MCC: variants seen among roughly 807,000 people sequenced by gnomAD.
The protein encoded by MCC is colorectal mutant cancer protein.
Under a neutral mutation model 116.2 loss-of-function variants are expected in MCC, and 90 were observed. That is an observed-to-expected ratio of 0.77 (90% confidence interval 0.65 to 0.92). The LOEUF (loss-of-function observed/expected upper bound fraction) is 0.92. Among genes scored for constraint, MCC ranks in the 40% least tolerant of loss-of-function variants. MCC has a pLI of 0.00. For missense variants in MCC, 1,516 were observed against 1,312.2 expected (o/e 1.16, Z -2.40); for synonymous variants, 578 against 510.5 (o/e 1.13, Z -1.78).
chr5:113,046,710 A>AAAAAAAAGAG, intron 16 of MCC, among the ~76,000 whole-genome samples: 1 of 102,410 alleles, frequency 9.8e-6, no homozygotes, highest in African/African-American at 4.0e-5. Context: ...AAAAAAAAAA[A>AAAAAAAAGAG]AGAGAGAGAT....
chr5:113,151,683 C>T (rs1759886515), intron 3 of MCC, among the ~76,000 whole-genome samples: 1 of 152,126 alleles, frequency 6.6e-6, no homozygotes, highest in South Asian at 2.1e-4. Flanking sequence ...GGCCAGAGAA[C>T]AAAACTTCTC....
At chr5:113,363,214 T>G (rs1010587160) in intron 2 of MCC, among the ~76,000 whole-genome samples, 10 of 152,114 alleles carry the variant, frequency 6.6e-5, no homozygotes, top group Non-Finnish European at 8.8e-5. Context: ...GAGTTGGAAG[T>G]TGCAGTGAGC....
intron 3 of MCC, among the ~76,000 whole-genome samples, chr5:113,276,147 G>T (rs954447435): frequency 1.3e-5 from 2 of 151,992 alleles, no homozygotes; most frequent in Non-Finnish European, 2.9e-5. Flanking sequence ...TCCCCAAGCT[G>T]CTGCCTTCCT....
intron 2 of MCC, among the ~76,000 whole-genome samples, chr5:113,344,567 G>A (rs1183881746): frequency 6.6e-6 from 1 of 151,586 alleles, no homozygotes; most frequent in Non-Finnish European, 1.5e-5. Flanking sequence ...AGAGTAAAGA[G>A]GATTTGGTTT....
intron 14 of MCC, among the ~76,000 whole-genome samples, chr5:113,063,313 G>T (rs1387085128): frequency 6.6e-6 from 1 of 152,196 alleles, no homozygotes; most frequent in Non-Finnish European, 1.5e-5. Context: ...TCCAAAGAAT[G>T]AAATGACTTC....
At chr5:113,472,804 T>C (rs1400193862) in intron 1 of MCC, among the ~76,000 whole-genome samples, 6 of 152,238 alleles carry the variant, frequency 3.9e-5, no homozygotes, top group African/African-American at 9.6e-5. Flanking sequence ...CATGTAAGCA[T>C]ATGGTTAGAG....
At chr5:113,338,261 G>A (rs1252660692) in intron 3 of MCC, among the ~76,000 whole-genome samples, 1 of 152,172 alleles carries the variant, frequency 6.6e-6, no homozygotes, top group Non-Finnish European at 1.5e-5. Flanking sequence ...GGAAATGTTA[G>A]GCAGTGTTCC....
chr5:113,438,262 T>A (rs567874283), intron 1 of MCC, among the ~76,000 whole-genome samples: 30 of 152,204 alleles, frequency 2.0e-4, no homozygotes, highest in African/African-American at 7.0e-4. Flanking sequence ...CTTTTTTTAT[T>A]CTATATCTAA....
intron 8 of MCC, among the ~76,000 whole-genome samples, chr5:113,099,051 G>A (rs1028568445): frequency 6.6e-6 from 1 of 151,886 alleles, no homozygotes; most frequent in Non-Finnish European, 1.5e-5. Flanking sequence ...GTGAGTGACG[G>A]CTGGAAGAAG....
chr5:113,190,464 C>G (rs1561442586), intron 3 of MCC, among the ~76,000 whole-genome samples: 2 of 152,026 alleles, frequency 1.3e-5, no homozygotes, highest in Non-Finnish European at 2.9e-5. Flanking sequence ...TGATGCACAC[C>G]AAAGGAGGAG....
At chr5:113,120,880 C>T (rs575950641) in intron 6 of MCC, among the ~76,000 whole-genome samples, 24 of 152,142 alleles carry the variant, frequency 1.6e-4, no homozygotes, top group African/African-American at 2.4e-4. Flanking sequence ...GAAGCACCTC[C>T]GCTCAAATAC....
chr5:113,243,377 C>A (rs113028048), intron 3 of MCC, among the ~76,000 whole-genome samples: 1 of 152,162 alleles, frequency 6.6e-6, no homozygotes, highest in African/African-American at 2.4e-5. Flanking sequence ...GTATCCTATA[C>A]TCCTATACTC....
intron 1 of MCC, among the ~76,000 whole-genome samples, chr5:113,463,385 A>G (rs545979432): frequency 6.6e-6 from 1 of 152,328 alleles, no homozygotes; most frequent in African/African-American, 2.4e-5. Context: ...GAATATTTGA[A>G]GTGCTCCAAG....
intron 5 of MCC, among the ~76,000 whole-genome samples, chr5:113,130,670 A>G (rs1173556430): frequency 6.6e-6 from 1 of 151,948 alleles, no homozygotes; most frequent in Non-Finnish European, 1.5e-5. Flanking sequence ...TTCTCACTCT[A>G]TTAGTTCCTT....
chr5:113,069,877 C>T (rs184570314), intron 12 of MCC, among the ~76,000 whole-genome samples: 149 of 152,328 alleles, frequency 9.8e-4, no homozygotes, highest in African/African-American at 3.3e-3. Context: ...TGAGCCACCG[C>T]GCCCAGCGTC....
chr5:113,434,446 C>A lies in MCC; in HGVS notation c.171-49234G>T, dbSNP rs556130601. 1 of 1,613,788 alleles carries A rather than the reference C, an allele frequency of 6.2e-7. No individual in the cohort carries two copies. Among genetic ancestry groups the A allele is most frequent in the South Asian group, 1.1e-5 (1 of 91,038 alleles). ...TCACACTTGAGGTCCCGGTGGACGA[C>A]GTCCAGGTCGTGGCAGTACTTGATG... On this transcript the variant is annotated intron_variant, in intron 1 of 18. Coordinates refer to ENST00000408903, the MANE Select transcript of MCC (RefSeq NM_001085377.2). The surrounding 1 kb of genome is among the most constrained non-coding windows in gnomAD (Gnocchi z 4.2).
In MCC at chr5:113,114,121, AAG is replaced by A. The variant is rs1378477223; in HGVS notation, c.1027+8561_1027+8562del. On this transcript the variant is annotated intron_variant, in intron 6 of 18. Transcript: ENST00000408903. ...CGTATACACAAACACAAATGGGAGC[AAG>A]AGAGAGAAAAAAATCAAAATGTGGC... Among the ~76,000 whole-genome samples, 6 of 151,598 alleles carry A rather than the reference AAG, an allele frequency of 4.0e-5. No homozygotes were observed. The East Asian group carries it at 5.8e-4, about 15-fold the overall frequency.
At chr5:113,131,749 C>A (rs1758440925) in intron 5 of MCC, among the ~76,000 whole-genome samples, 1 of 152,108 alleles carries the variant, frequency 6.6e-6, no homozygotes, top group African/African-American at 2.4e-5. Flanking sequence ...CCTTCCAAAC[C>A]CATGTGAGTG....
chr5:113,396,146 G>A (rs1769520205), intron 1 of MCC, among the ~76,000 whole-genome samples: 1 of 152,012 alleles, frequency 6.6e-6, no homozygotes, highest in Non-Finnish European at 1.5e-5. Context: ...TGGGCAACAT[G>A]GCAAGACCCC....
Sources: allele counts gnomAD v4.1 joint callset (sites outside exome capture counted in the v4.1 genomes callset), GRCh38; gene constraint gnomAD v4.1.1; non-coding constraint Gnocchi (gnomAD v3.1); transcripts MANE v1.5; gene names NCBI Gene and HGNC (gene_info 2026-07-23, HGNC 2026-07-21).